CCDC88A: variants seen among roughly 807,000 people sequenced by gnomAD.
CCDC88A encodes coiled-coil and HOOK domain protein 88A, also known as girdin.
CCDC88A carries 54 observed loss-of-function variants against 234.3 expected under a neutral mutation model. The observed-to-expected ratio is 0.23, with a 90% CI of 0.19 to 0.29. The LOEUF (loss-of-function observed/expected upper bound fraction) is 0.29, where lower values mean the gene tolerates loss of function less well. Among genes scored for constraint, CCDC88A ranks in the 10% least tolerant of loss-of-function variants. The pLI is 1.00. For missense variants in CCDC88A, 1,832 were observed against 2,123.4 expected, an observed-to-expected ratio of 0.86 and a Z score of 2.70; for synonymous variants, 753 against 737.8, an observed-to-expected ratio of 1.02 and a Z score of -0.33.
intron 7 of CCDC88A, among the ~76,000 whole-genome samples, chr2:55,359,726 C>T (rs1671044791): frequency 6.6e-6 from 1 of 151,548 alleles, no homozygotes; most frequent in African/African-American, 2.4e-5. Flanking sequence ...CCTTATTAGA[C>T]TATAACAATC....
intron 7 of CCDC88A, among the ~76,000 whole-genome samples, chr2:55,357,470 T>G (rs984065848): frequency 9.2e-5 from 14 of 151,954 alleles, no homozygotes; most frequent in African/African-American, 3.4e-4. Flanking sequence ...CTTTAAGGGC[T>G]ATAGGTACCT....
intron 17 of CCDC88A, chr2:55,323,538 GT>G (rs1395991761): frequency 6.6e-6 from 1 of 152,018 alleles, no homozygotes; most frequent in East Asian, 1.9e-4. Context: ...TAGTTTCCGG[GT>G]TTTGTTTGTT....
At chr2:55,331,085 T>G (rs10181997) in intron 16 of CCDC88A, among the ~76,000 whole-genome samples, 10,797 of 152,234 alleles carry the variant, frequency 0.071, 1,218 homozygotes, top group African/African-American at 0.24. Context: ...CACCCAGAGC[T>G]GGGTTCATAA....
chr2:55,390,476 T>G (rs1268924331), intron 2 of CCDC88A, among the ~76,000 whole-genome samples: 1 of 152,200 alleles, frequency 6.6e-6, no homozygotes, highest in African/African-American at 2.4e-5. Context: ...ACGCTGAGAT[T>G]ACTCAAGGGA....
At chr2:55,372,630 C>G (rs998974717) in intron 4 of CCDC88A, 120 bp from the exon 5 acceptor site, 1 of 549,034 alleles carries the variant, frequency 1.8e-6, no homozygotes, top group African/African-American at 1.9e-5. Flanking sequence ...TCAGTCTAAG[C>G]ATATGTAGTG....
chr2:55,418,083 A>C (rs1192739271), intron 2 of CCDC88A: 1 of 152,182 alleles, frequency 6.6e-6, no homozygotes, highest in Non-Finnish European at 1.5e-5. Context: ...TCACTATTCA[A>C]TTCCCATCTC....
chr2:55,363,414 C>G (rs1036923205), intron 6 of CCDC88A, among the ~76,000 whole-genome samples: 2 of 151,894 alleles, frequency 1.3e-5, no homozygotes, highest in Non-Finnish European at 2.9e-5. Context: ...GACATAGAAA[C>G]AGCAGCTTTT....
chr2:55,381,970 T>C (rs541496945), intron 3 of CCDC88A, among the ~76,000 whole-genome samples: 3 of 152,344 alleles, frequency 2.0e-5, no homozygotes, highest in East Asian at 3.9e-4. Context: ...TATCATACTA[T>C]TACATATCTG....
At position 55,288,268 on chromosome 2, in the gene CCDC88A, A is replaced by G. The variant is rs1338122013; in HGVS notation, c.*2932T>C. 1 of 152,668 alleles carries G rather than the reference A, an allele frequency of 6.6e-6. No individual in the cohort carries two copies. The highest frequency in any genetic ancestry group is 6.5e-5 in the Admixed American group (1 of 15,280). The allele number at this position is 152,668 out of a possible 1,614,324, so 9.5% of individuals were successfully genotyped here. ...ATTTTCATTGTCCAAATATCTCAAC[A>G]TGTACATCAAGGTTTATATTATAAA... On this transcript the variant is annotated 3_prime_UTR_variant, in exon 33 of 33. Coordinates refer to ENST00000436346, the MANE Select transcript of CCDC88A (RefSeq NM_001365480.1).
chr2:55,355,317 C>G (rs1670419708), intron 8 of CCDC88A: 1 of 307,420 alleles, frequency 3.3e-6, no homozygotes, highest in African/African-American at 2.2e-5. Flanking sequence ...ACTAAGAGCC[C>G]CAATTTGCCA....
intron 18 of CCDC88A, among the ~76,000 whole-genome samples, chr2:55,320,171 T>C (rs1683450429): frequency 1.3e-5 from 2 of 152,134 alleles, no homozygotes; most frequent in African/African-American, 4.8e-5. Context: ...GGAATACTGA[T>C]AGTACTGATG....
intron 25 of CCDC88A, among the ~76,000 whole-genome samples, chr2:55,307,820 G>A (rs1681807419): frequency 6.6e-6 from 1 of 150,746 alleles, no homozygotes; most frequent in Non-Finnish European, 1.5e-5. Flanking sequence ...ACGGGGTCTT[G>A]CTGTGTCACC....
chr2:55,309,612 T>C lies in CCDC88A; in HGVS notation c.4080-358A>G, dbSNP rs945874088. On this transcript the variant is annotated intron_variant, in intron 23 of 32. Coordinates refer to ENST00000436346, the MANE Select transcript of CCDC88A (RefSeq NM_001365480.1). The surrounding 1 kb of genome is among the most constrained non-coding windows in gnomAD (Gnocchi z 5.1). ...TCGGCAGAATTACTTAGGTTTGATT[T>C]ACTTGTAGAGAACCATTTCCTGACT... is the stretch of plus-strand genomic sequence containing the variant. 6.6e-6 allele frequency among the ~76,000 whole-genome samples: 1 copy of C among 152,208 alleles called. No homozygotes were observed. The highest frequency in any genetic ancestry group is 6.5e-5 in the Admixed American group (1 of 15,274).
chr2:55,374,830 G>T lies in CCDC88A; in HGVS notation c.327C>A (p.Gly109=). ...AATACTTACCAGAAAAGGGATTTTT[G>T]CCAATGATTAAGACATTTGGCAACG... is the stretch of plus-strand genomic sequence containing the variant. The part of the protein sequence containing the change: ...MMSLPNVLII[G]KNPFSEQGTE... The change falls in exon 4 of 33, where the codon GGC becomes GGA. Residue 109 remains glycine, a synonymous_variant. Transcript: ENST00000436346. 1 of 1,603,878 alleles carries T rather than the reference G, an allele frequency of 6.2e-7. No individual in the cohort carries two copies. Among genetic ancestry groups the T allele is most frequent in the Non-Finnish European group, 8.5e-7 (1 of 1,172,098 alleles).
chr2:55,330,612 A>C (rs1397578124), intron 16 of CCDC88A, among the ~76,000 whole-genome samples: 1 of 152,226 alleles, frequency 6.6e-6, no homozygotes. Flanking sequence ...TTTTTGTGAC[A>C]TAAAGACTAA....
Position 55,334,264 on chromosome 2 carries a change from C to G in CCDC88A, c.2557G>C (p.Glu853Gln). 6.9e-7 allele frequency: 1 copy of G among 1,445,906 alleles called. No individual in the cohort carries two copies. The highest frequency in any genetic ancestry group is 9.1e-7 in the Non-Finnish European group (1 of 1,102,668). The allele number at this position is 1,445,906 out of a possible 1,614,324, so 89.6% of individuals were successfully genotyped here. A position where few individuals can be genotyped will look rare whatever the true frequency, so the allele number is the denominator to read the frequency against. ...QQAEIKDTTLEENNVKIGNLE... is the reference protein window; with the variant it reads ...QQAEIKDTTLQENNVKIGNLE... ...TTTCCAATCTTCACATTATTTTCTT[C>G]TAATGTGGTATCTTTAATTTCTGCT... The change falls in exon 15 of 33, where the codon GAA (glutamate) becomes CAA (glutamine). Residue 853 changes from glutamate (E) to glutamine (Q), a missense_variant. Glu to Gln is a conservative substitution (Grantham distance 29, BLOSUM62 2). Transcript: ENST00000436346. This position sits in a 1 kb window ranked among gnomAD's most constrained non-coding sequence, Gnocchi z 6.1.
intron 3 of CCDC88A, among the ~76,000 whole-genome samples, chr2:55,380,909 C>G (rs577519483): frequency 6.6e-6 from 1 of 152,198 alleles, no homozygotes; most frequent in Non-Finnish European, 1.5e-5. Flanking sequence ...AGCCACTGGG[C>G]CCAGCCAACC....
At chr2:55,300,395 A>C (rs1315228044) in intron 28 of CCDC88A, 1 of 153,264 alleles carries the variant, frequency 6.5e-6, no homozygotes, top group Non-Finnish European at 1.5e-5. Flanking sequence ...GCTAACTCTT[A>C]AAACCCTGTT....
chr2:55,382,879 T>A (rs557553214), intron 3 of CCDC88A, among the ~76,000 whole-genome samples: 1 of 152,180 alleles, frequency 6.6e-6, no homozygotes, highest in Non-Finnish European at 1.5e-5. Flanking sequence ...GAAATTGTTT[T>A]GCTTAGTTTT....
Sources: allele counts gnomAD v4.1 joint callset (sites outside exome capture counted in the v4.1 genomes callset), GRCh38; gene constraint gnomAD v4.1.1; non-coding constraint Gnocchi (gnomAD v3.1); transcripts MANE v1.5; gene names NCBI Gene and HGNC (gene_info 2026-07-23, HGNC 2026-07-21).